Variants in BMPR1A observed in about 807,000 individuals in gnomAD.
BMPR1A encodes the protein bone morphogenetic protein receptor type 1A.
In BMPR1A, 7 loss-of-function variants were observed where a neutral mutation model predicts 66.0. That is an observed-to-expected ratio of 0.11 (90% confidence interval 0.06 to 0.20). BMPR1A has a LOEUF of 0.20. Among genes scored for constraint, BMPR1A ranks in the 10% least tolerant of loss-of-function variants. The pLI, the probability that BMPR1A is intolerant of heterozygous loss-of-function variation, is 1.00. For missense variants in BMPR1A, 408 were observed against 669.1 expected (o/e 0.61, Z 4.31); for synonymous variants, 200 against 229.7 (o/e 0.87, Z 1.17).
At chr10:86,919,679 GTGTTTTTTTTTGTT>G (rs1488328342) in intron 10 of BMPR1A, among the ~76,000 whole-genome samples, 1 of 148,990 alleles carries the variant, frequency 6.7e-6, no homozygotes, top group Non-Finnish European at 1.5e-5. Context: ...TATTTTTTTG[GTGTTTTTTTTTGTT>G]TGTTTTTTGT....
chr10:86,803,467 T>G (rs1232597445), intron 1 of BMPR1A, among the ~76,000 whole-genome samples: 1 of 152,186 alleles, frequency 6.6e-6, no homozygotes, highest in Non-Finnish European at 1.5e-5. Flanking sequence ...CCCATTACAG[T>G]AGTGTTTTCC....
intron 1 of BMPR1A, among the ~76,000 whole-genome samples, chr10:86,757,725 T>C (rs1847900416): frequency 6.6e-6 from 1 of 152,228 alleles, no homozygotes; most frequent in African/African-American, 2.4e-5. Flanking sequence ...GGCACCTGTG[T>C]TACGTCATTT....
rs141274815 is a variant in BMPR1A, at chr10:86,879,583, G to A, written c.67+3498G>A. Among the ~76,000 whole-genome samples the A allele has an allele frequency of 4.6e-5, 7 of 152,294 alleles. No individual in the cohort carries two copies. The East Asian group carries it at 1.4e-3, about 29-fold the overall frequency. On this transcript the variant is annotated intron_variant, in intron 3 of 12. Transcript: ENST00000372037. ...TGCTGGGTACCACATTTGTTGACCT[G>A]ACATCATACATATGCTAAAATGCTC...
chr10:86,762,305 C>T (rs913225823), intron 1 of BMPR1A, among the ~76,000 whole-genome samples: 2 of 152,182 alleles, frequency 1.3e-5, no homozygotes, highest in Non-Finnish European at 2.9e-5. Context: ...TTATAGACCT[C>T]GTATCGAGAA....
At position 86,807,321 on chromosome 10, in the gene BMPR1A, T is replaced by A. The variant is rs961767613; in HGVS notation, c.-267-31544T>A. Among the ~76,000 whole-genome samples, 6 of 152,274 alleles carry A rather than the reference T, an allele frequency of 3.9e-5. No individual in the cohort carries two copies. In the South Asian group the frequency reaches 6.2e-4, roughly 16 times the overall value. On this transcript the variant is annotated intron_variant, in intron 1 of 12. Transcript: ENST00000372037. Reference sequence around the variant, plus strand: ...TTTCATTTCCAGTTTATTTTTAATTTAAAAAAATTGAAGTATAATTTATGG... The same window carrying A: ...TTTCATTTCCAGTTTATTTTTAATTAAAAAAAATTGAAGTATAATTTATGG...
chr10:86,904,865 T>C (rs1177680113), intron 7 of BMPR1A, among the ~76,000 whole-genome samples: 1 of 152,208 alleles, frequency 6.6e-6, no homozygotes, highest in Non-Finnish European at 1.5e-5. Flanking sequence ...TAGAACTTTG[T>C]GACTGCCCTG....
At chr10:86,875,633 C>A (rs1564710446) in intron 2 of BMPR1A, among the ~76,000 whole-genome samples, 1 of 150,966 alleles carries the variant, frequency 6.6e-6, no homozygotes, top group Non-Finnish European at 1.5e-5. Flanking sequence ...TAATATACTT[C>A]CCTTGTTGTA....
At chr10:86,859,018 A>G (rs1216508173) in intron 2 of BMPR1A, among the ~76,000 whole-genome samples, 1 of 152,226 alleles carries the variant, frequency 6.6e-6, no homozygotes, top group South Asian at 2.1e-4. Context: ...CCAGACTTCA[A>G]GATATACTGC....
At chr10:86,861,062 C>G (rs573168084) in intron 2 of BMPR1A, among the ~76,000 whole-genome samples, 1 of 151,996 alleles carries the variant, frequency 6.6e-6, no homozygotes, top group East Asian at 2.0e-4. Context: ...AGGATGGTCT[C>G]AATCTCCTGA....
intron 1 of BMPR1A, among the ~76,000 whole-genome samples, chr10:86,760,248 CTTTTTTTTTTTTT>C (rs60211336): frequency 1.2e-4 from 2 of 17,010 alleles, no homozygotes; most frequent in Non-Finnish European, 2.2e-4. Flanking sequence ...TTCTTTCTTT[CTTTTTTTTTTTTT>C]TTTTTTTTTT....
rs1564685680 is a variant in BMPR1A at position 86,790,229 on chromosome 10, AT to A, written c.-268+33311del. ...TATATATATATATATATATATATAT[AT>A]ATATATCAAAACCACAATGAGATTC... On this transcript the variant is annotated intron_variant, in intron 1 of 12. Transcript: ENST00000372037. Among the ~76,000 whole-genome samples, 115 of 94,826 alleles carry A rather than the reference AT, an allele frequency of 1.2e-3. 19 individuals carry two copies. Among genetic ancestry groups the A allele is most frequent in the Admixed American group, 1.5e-3 (12 of 8,184 alleles). 62.2% of individuals were successfully genotyped at this position (94,826 alleles called of 152,430 possible).
intron 2 of BMPR1A, among the ~76,000 whole-genome samples, chr10:86,866,395 C>CTTTCTTTTTTTTTTTTTTTTTT (rs1842785534): frequency 1.4e-5 from 1 of 70,652 alleles, no homozygotes; most frequent in African/African-American, 5.8e-5. Flanking sequence ...GGGCAAGTTT[C>CTTTCTTTTTTTTTTTTTTTTTT]TTTCTTTTTT....
At chr10:86,834,292 T>G (rs1000879522) in intron 1 of BMPR1A, among the ~76,000 whole-genome samples, 2 of 152,214 alleles carry the variant, frequency 1.3e-5, no homozygotes, top group African/African-American at 2.4e-5. Flanking sequence ...TTGAGTCTCT[T>G]CTGTAGTTCA....
At chr10:86,887,212 G>C (rs1176727186) in intron 3 of BMPR1A, among the ~76,000 whole-genome samples, 3 of 152,062 alleles carry the variant, frequency 2.0e-5, no homozygotes, top group Non-Finnish European at 4.4e-5. Context: ...AGTTTCTCAA[G>C]GCCACATATG....
intron 7 of BMPR1A, among the ~76,000 whole-genome samples, chr10:86,902,680 G>T (rs1320601827): frequency 6.6e-6 from 1 of 152,212 alleles, no homozygotes; most frequent in Non-Finnish European, 1.5e-5. Context: ...GAAGGATACT[G>T]ATCTCTGAGA....
At chr10:86,773,882 T>TA (rs760904999) in intron 1 of BMPR1A, among the ~76,000 whole-genome samples, 30 of 151,456 alleles carry the variant, frequency 2.0e-4, no homozygotes, top group Non-Finnish European at 3.2e-4. Flanking sequence ...GACAGAGTCT[T>TA]ACTCTGTCGC....
intron 3 of BMPR1A, among the ~76,000 whole-genome samples, chr10:86,882,908 G>A (rs527510937): frequency 7.3e-4 from 111 of 152,000 alleles, no homozygotes; most frequent in Admixed American, 1.1e-3. Context: ...GGAGGTTGCC[G>A]TGAGCTGTCA....
At chr10:86,798,791 C>G (rs1000699195) in intron 1 of BMPR1A, among the ~76,000 whole-genome samples, 7 of 152,170 alleles carry the variant, frequency 4.6e-5, no homozygotes, top group African/African-American at 1.7e-4. Flanking sequence ...TTGCACTTAC[C>G]ATAATTACTT....
In BMPR1A at chr10:86,923,401, A is replaced by G. The variant is rs864622447; in HGVS notation, c.1368A>G (p.Pro456=). The part of the protein sequence containing the change: ...TGGIVEEYQL[P]YYNMVPSDPS... ...GGATCGTGGAAGAATACCAATTGCC[A>G]TATTACAACATGGTACCGAGTGATC... The change falls in exon 12 of 13, where the codon CCA becomes CCG. Residue 456 remains proline, a synonymous_variant. Coordinates refer to ENST00000372037, the MANE Select transcript of BMPR1A (RefSeq NM_004329.3). The G allele has an allele frequency of 1.4e-5, 22 of 1,614,088 alleles. No individual in the cohort carries two copies. The highest frequency in any genetic ancestry group is 4.0e-5 in the African/African-American group (3 of 74,928).
Sources: allele counts gnomAD v4.1 joint callset (sites outside exome capture counted in the v4.1 genomes callset), GRCh38; gene constraint gnomAD v4.1.1; transcripts MANE v1.5; gene names NCBI Gene and HGNC (gene_info 2026-07-23, HGNC 2026-07-21).